The following ABCA2 variants were observed in gnomAD, a reference collection of about 807,000 sequenced individuals.
ABCA2 encodes ATP-binding cassette sub-family A member 2.
In ABCA2, 84 loss-of-function variants were observed where a neutral mutation model predicts 262.8. The observed-to-expected ratio is 0.32, with a 90% CI of 0.27 to 0.38. The LOEUF is 0.38. Among genes scored for constraint, ABCA2 ranks in the 10% least tolerant of loss-of-function variants. ABCA2 has a pLI of 1.00. For synonymous variants in ABCA2, 1,696 were observed against 1,502.9 expected (o/e 1.13, Z -2.97); for missense variants, 2,662 against 3,405.9 (o/e 0.78, Z 5.44).
upstream of ABCA2, among the ~76,000 whole-genome samples, chr9:137,028,447 G>C (rs1831739399): frequency 6.7e-6 from 1 of 149,904 alleles, no homozygotes; most frequent in South Asian, 2.1e-4. The surrounding 1 kb of genome is among the most constrained non-coding windows in gnomAD (Gnocchi z 6.9). Flanking sequence ...GGAAGCCTCC[G>C]GGCCGCCCCT....
At chr9:137,020,234 C>A in intron 10 of ABCA2, 102 bp downstream of exon 10, 1 of 1,514,570 alleles carries the variant, frequency 6.6e-7, no homozygotes. Flanking sequence ...CCGTACCCCT[C>A]CCGTGTCAAT....
At chr9:137,010,570 T>G in intron 40 of ABCA2, 50 bp downstream of exon 40, 1 of 861,608 alleles carries the variant, frequency 1.2e-6, no homozygotes, top group Non-Finnish European at 1.5e-6. Context: ...CCCACCCCCC[T>G]GGCCCTGGCC....
Position 137,019,056 on chromosome 9 carries a change from C to G in ABCA2, c.1569G>C (p.Leu523=), listed in dbSNP as rs1262390935. The change falls in exon 12 of 49, where the codon CTG becomes CTC. Residue 523 remains leucine, a synonymous_variant. Transcript: ENST00000341511. The surrounding 1 kb of genome is among the most constrained non-coding windows in gnomAD (Gnocchi z 4.4). The part of the protein sequence containing the change: ...LRWLQQYVAE[L]RLHPEALNLS... The stretch of plus-strand genomic sequence containing the variant: ...GGTTCAGTGCCTCGGGGTGCAGCCG[C>G]AGCTCTGCTACATACTTGGGGTGGA... 1 of 1,611,312 alleles carries G rather than the reference C, an allele frequency of 6.2e-7. No individual in the cohort carries two copies. Among genetic ancestry groups the G allele is most frequent in the African/African-American group, 1.3e-5 (1 of 74,898 alleles).
intron 14 of ABCA2, 51 bp from the exon 15 acceptor site, chr9:137,018,126 A>C (rs576203138): frequency 1.2e-6 from 2 of 1,609,086 alleles, no homozygotes; most frequent in Middle Eastern, 1.7e-4. Context: ...TCGTCCTCAC[A>C]CCTGTCCTCC....
At chr9:137,009,089 C>T (rs761350586) in intron 45 of ABCA2, 36 bp from the exon 46 acceptor site, 34 of 1,585,650 alleles carry the variant, frequency 2.1e-5, no homozygotes, top group Admixed American at 5.1e-5. Flanking sequence ...AGCCCTGCGC[C>T]GCCCAGCCAG....
In ABCA2 at chr9:137,012,196, G is replaced by A. The variant is rs768748651; in HGVS notation, c.5300-34C>T. 20 of 1,609,170 alleles carry A rather than the reference G, an allele frequency of 1.2e-5. No homozygotes were observed. In the East Asian group the frequency reaches 4.2e-4, roughly 34 times the overall value. ...GGCGGGGCGGGGGCGGCAGCTTCAG[G>A]CCCCAGCTCCTCCCCGCCCCGGCCC... is the stretch of plus-strand genomic sequence containing the variant. On this transcript the variant is annotated intron_variant, in intron 33 of 48. Transcript: ENST00000341511.
chr9:137,015,331 C>T, intron 24 of ABCA2, 83 bp downstream of exon 24: 1 of 1,446,548 alleles, frequency 6.9e-7, no homozygotes, highest in Non-Finnish European at 9.3e-7. Flanking sequence ...CGGTGAGGGC[C>T]CAGCCTCTCC....
Position 137,009,357 on chromosome 9 carries a change from T to G in ABCA2, c.6827+13A>C. The G allele has an allele frequency of 1.1e-5, 4 of 368,188 alleles. No homozygotes were observed. The highest frequency in any genetic ancestry group is 2.6e-5 in the South Asian group (1 of 38,372). 22.8% of individuals were successfully genotyped at this position (368,188 alleles called of 1,614,324 possible). A position where few individuals can be genotyped will look rare whatever the true frequency, so the allele number is the denominator to read the frequency against. ...GCCCGCCCCAGCCCACCCCTGGCCC[T>G]GCCCCGGCTCACCGGTTCTTCAGGT... On this transcript the variant is annotated intron_variant, in intron 45 of 48. Transcript: ENST00000341511.
At position 137,017,959 on chromosome 9, in the gene ABCA2, C is replaced by G. The variant is rs377504235; in HGVS notation, c.2096+14G>C. 6.2e-7 allele frequency: 1 copy of G among 1,612,292 alleles called. No individual in the cohort carries two copies. The highest frequency in any genetic ancestry group is 8.5e-7 in the Non-Finnish European group (1 of 1,179,782). On this transcript the variant is annotated intron_variant, in intron 15 of 48. Transcript: ENST00000341511. ...CCCCAGCCCCAGCCCCAGCCCCGGG[C>G]GCCCAGCACTCACTCATCGCGTGTG...
chr9:137,022,905 A>AGGGGTGGGGGG, intron 4 of ABCA2, 36 bp downstream of exon 4: 1 of 279,282 alleles, frequency 3.6e-6, no homozygotes, highest in African/African-American at 6.4e-5. Flanking sequence ...TGGGCTGGGG[A>AGGGGTGGGGGG]GGGGTGGGTG....
chr9:137,014,292 C>T lies in ABCA2; in HGVS notation c.4116G>A (p.Ser1372=), dbSNP rs555402083. The T allele has an allele frequency of 1.6e-5, 25 of 1,611,056 alleles. No individual in the cohort carries two copies. Among genetic ancestry groups the T allele is most frequent in the Middle Eastern group, 1.7e-4 (1 of 6,058 alleles). The change falls in exon 27 of 49, where the codon TCG becomes TCA. Residue 1372 remains serine, a synonymous_variant. Transcript: ENST00000341511. ...RCSELTQSQA[S]LQSASSVGSA... Reference sequence around the variant, plus strand: ...AGCCCACAGATGACGCCGACTGCAGCGATGCCTGCGACTGGGTCAGCTCCG... The same window carrying T: ...AGCCCACAGATGACGCCGACTGCAGTGATGCCTGCGACTGGGTCAGCTCCG...
In ABCA2 at chr9:137,013,026, A is replaced by T; in HGVS notation, c.4843T>A (p.Ser1615Thr). The change falls in exon 30 of 49, where the codon TCC becomes ACC. Residue 1615 changes from serine (S) to threonine (T), a missense_variant. By Grantham distance (58) the Ser-to-Thr change is moderately conservative. Coordinates refer to ENST00000341511, the MANE Select transcript of ABCA2 (RefSeq NM_001606.5). ...CCTGGCCCAGCGGTGGGCGGCAGGG[A>T]GACGTTCCAGGCCTGCAGGTCCTCA... ...PDEDLQAWNV[S>T]LPPTAGPEMW... The T allele has an allele frequency of 6.6e-7, 1 of 1,514,750 alleles. No homozygotes were observed. The highest frequency in any genetic ancestry group is 8.8e-7 in the Non-Finnish European group (1 of 1,130,852). The allele number at this position is 1,514,750 out of a possible 1,614,324, so 93.8% of individuals were successfully genotyped here.
chr9:137,019,336 T>C lies in ABCA2; in HGVS notation c.1426-30A>G. ...AGGGGGTGAGGCAGGGGCATGGAGT[T>C]TCTGGACGGACCCCCACCGACTTGG... On this transcript the variant is annotated intron_variant, in intron 10 of 48. Coordinates refer to ENST00000341511, the MANE Select transcript of ABCA2 (RefSeq NM_001606.5). This position sits in a 1 kb window ranked among gnomAD's most constrained non-coding sequence, Gnocchi z 4.4. The C allele has an allele frequency of 6.2e-7, 1 of 1,608,480 alleles. No individual in the cohort carries two copies. Among genetic ancestry groups the C allele is most frequent in the Non-Finnish European group, 8.5e-7 (1 of 1,177,196 alleles).
At position 137,021,653 on chromosome 9, in the gene ABCA2, T is replaced by C; in HGVS notation, c.679-43A>G. 6.5e-7 allele frequency: 1 copy of C among 1,530,794 alleles called. No individual in the cohort carries two copies. The highest frequency in any genetic ancestry group is 8.8e-7 in the Non-Finnish European group (1 of 1,137,676). The allele number at this position is 1,530,794 out of a possible 1,614,324, so 94.8% of individuals were successfully genotyped here. A position where few individuals can be genotyped will look rare whatever the true frequency, so the allele number is the denominator to read the frequency against. On this transcript the variant is annotated intron_variant, in intron 7 of 48. Coordinates refer to ENST00000341511, the MANE Select transcript of ABCA2 (RefSeq NM_001606.5). This position sits in a 1 kb window ranked among gnomAD's most constrained non-coding sequence, Gnocchi z 6.0. ...GTCCGTGGAGCCACGGCAAGGACTT[T>C]GTCCCCAACCACTAGGGCCTCAGGC... is the stretch of plus-strand genomic sequence containing the variant.
Position 137,022,009 on chromosome 9 carries a change from G to A in ABCA2, c.568-8C>T, listed in dbSNP as rs771683690. On this transcript the variant is annotated splice_polypyrimidine_tract_variant and splice_region_variant and intron_variant, in intron 6 of 48. Coordinates refer to ENST00000341511, the MANE Select transcript of ABCA2 (RefSeq NM_001606.5). ...AAAGAGCAGGTGGTAGACCTAGGAG[G>A]TGTGGGGGAATGGCTCAGATGGGGT... 13 of 687,892 alleles carry A rather than the reference G, an allele frequency of 1.9e-5. No homozygotes were observed. Among genetic ancestry groups the A allele is most frequent in the Admixed American group, 7.7e-5 (2 of 26,106 alleles). 42.6% of individuals were successfully genotyped at this position (687,892 alleles called of 1,614,324 possible). A position where few individuals can be genotyped will look rare whatever the true frequency, so the allele number is the denominator to read the frequency against.
chr9:137,026,680 T>G (rs1831663099), intron 1 of ABCA2, among the ~76,000 whole-genome samples: 1 of 152,158 alleles, frequency 6.6e-6, no homozygotes, highest in Non-Finnish European at 1.5e-5. Flanking sequence ...GCTGCCCTCA[T>G]AGGCCACACT....
Position 137,021,638 on chromosome 9 carries a change from C to A in ABCA2, c.679-28G>T. On this transcript the variant is annotated intron_variant, in intron 7 of 48. Transcript: ENST00000341511. This position sits in a 1 kb window ranked among gnomAD's most constrained non-coding sequence, Gnocchi z 6.0. ...GGGATGGGCACAGGGGTCCGTGGAG[C>A]CACGGCAAGGACTTTGTCCCCAACC... 1.3e-6 allele frequency: 2 copies of A among 1,538,920 alleles called. No homozygotes were observed. The highest frequency in any genetic ancestry group is 1.7e-6 in the Non-Finnish European group (2 of 1,142,984).
upstream of ABCA2, chr9:137,028,688 C>A: frequency 8.2e-7 from 1 of 1,213,642 alleles, no homozygotes; most frequent in African/African-American, 1.7e-5. This position sits in a 1 kb window ranked among gnomAD's most constrained non-coding sequence, Gnocchi z 6.9. Context: ...GCTTTGTAAA[C>A]CAGCACTTGG....
At chr9:137,023,654 C>G (rs971284804) in intron 3 of ABCA2, 184 bp downstream of exon 3, 2 of 681,430 alleles carry the variant, frequency 2.9e-6, no homozygotes, top group East Asian at 5.4e-5. Context: ...CCGGGCCTTT[C>G]ACTCCCTACC....
Sources: gnomAD v4.1 joint callset for allele counts (sites outside exome capture counted in the v4.1 genomes callset) on GRCh38, gnomAD v4.1.1 for gene constraint, Gnocchi (gnomAD v3.1) non-coding constraint, MANE v1.5 for transcripts, NCBI Gene and HGNC (gene_info 2026-07-23, HGNC 2026-07-21) for gene names.